The following NAALADL2 variants were observed in gnomAD, a reference collection of about 807,000 sequenced individuals.
The protein encoded by NAALADL2 is inactive N-acetylated-alpha-linked acidic dipeptidase-like protein 2.
NAALADL2 carries 76 observed loss-of-function variants against 87.2 expected under a neutral mutation model. That is an observed-to-expected ratio of 0.87 (90% CI 0.72 to 1.05). The LOEUF (loss-of-function observed/expected upper bound fraction) is 1.05. Ranked by LOEUF, NAALADL2 falls within the 50% of genes least tolerant of loss-of-function variation. The pLI is 0.00. For synonymous variants in NAALADL2, 354 were observed against 331.0 expected, an observed-to-expected ratio of 1.07 and a Z score of -0.75; for missense variants, 1,089 against 945.8, an observed-to-expected ratio of 1.15 and a Z score of -1.99.
chr3:175,751,035 CA>C (rs1359354177), intron 12 of NAALADL2, among the ~76,000 whole-genome samples: 1 of 151,914 alleles, frequency 6.6e-6, no homozygotes, highest in African/African-American at 2.4e-5. Flanking sequence ...CAAATAATAT[CA>C]AGATAGTTTC....
intron 2 of NAALADL2, among the ~76,000 whole-genome samples, chr3:174,700,918 C>T: frequency 6.6e-6 from 1 of 152,086 alleles, no homozygotes; most frequent in East Asian, 1.9e-4. Flanking sequence ...TGCAATGGTC[C>T]TGTTGGATAA....
intron 2 of NAALADL2, among the ~76,000 whole-genome samples, chr3:175,107,764 T>C (rs551318029): frequency 1.2e-4 from 17 of 147,114 alleles, no homozygotes; most frequent in African/African-American, 3.8e-4. Flanking sequence ...ATTTCAGATT[T>C]TTTTTAATGT....
At chr3:174,870,812 TA>T (rs966564816) in intron 1 of NAALADL2, among the ~76,000 whole-genome samples, 13 of 152,258 alleles carry the variant, frequency 8.5e-5, no homozygotes, top group South Asian at 4.1e-4. Flanking sequence ...TTTTATTACT[TA>T]AAAAAATAAT....
chr3:175,587,143 T>G (rs764751828), intron 10 of NAALADL2, among the ~76,000 whole-genome samples: 1 of 152,246 alleles, frequency 6.6e-6, no homozygotes, highest in African/African-American at 2.4e-5. Context: ...AGAGTAGCAT[T>G]GATCGTGGAT....
At chr3:175,161,067 T>A (rs1042910604) in intron 2 of NAALADL2, among the ~76,000 whole-genome samples, 5 of 152,126 alleles carry the variant, frequency 3.3e-5, no homozygotes, top group Non-Finnish European at 7.4e-5. Context: ...AGCATAGAAC[T>A]TCAATTACAC....
rs1734394545 is a variant in NAALADL2, at chr3:175,168,997, A to G, written c.546-64934A>G. On this transcript the variant is annotated intron_variant, in intron 2 of 13. Transcript: ENST00000454872. ...CAGGATAGCTGTACAGATTTTTTTA[A>G]TGTGGATCATCCAGATTAATTTCAC... Among the ~76,000 whole-genome samples, 3 of 151,786 alleles carry G rather than the reference A, an allele frequency of 2.0e-5. 1 individual carries two copies. The highest frequency in any genetic ancestry group is 2.0e-4 in the Admixed American group (3 of 15,216).
chr3:174,579,335 A>G (rs1715901325), intron 2 of NAALADL2, among the ~76,000 whole-genome samples: 1 of 152,048 alleles, frequency 6.6e-6, no homozygotes, highest in African/African-American at 2.4e-5. Flanking sequence ...AGAATGGATA[A>G]ACAATTTGTG....
At chr3:175,772,395 A>G (rs530752901) in intron 13 of NAALADL2, among the ~76,000 whole-genome samples, 19 of 152,250 alleles carry the variant, frequency 1.2e-4, no homozygotes, top group African/African-American at 3.6e-4. Flanking sequence ...GCAGTAAAAG[A>G]AAGCTGGAAG....
intron 4 of NAALADL2, among the ~76,000 whole-genome samples, chr3:175,288,509 C>G (rs1482136075): frequency 6.6e-6 from 1 of 152,146 alleles, no homozygotes; most frequent in Admixed American, 6.5e-5. Flanking sequence ...CATGATTCTT[C>G]AAGTAATCTA....
chr3:175,567,411 C>T (rs1165592446), intron 9 of NAALADL2, among the ~76,000 whole-genome samples: 1 of 151,786 alleles, frequency 6.6e-6, no homozygotes, highest in African/African-American at 2.4e-5. Context: ...ATCCTTAAAG[C>T]ACTCATTAGT....
chr3:175,465,473 CT>C (rs71164634), intron 7 of NAALADL2, among the ~76,000 whole-genome samples: 42,167 of 106,376 alleles, frequency 0.4, 5,487 homozygotes, highest in East Asian at 0.48. Flanking sequence ...TGAATTAAAT[CT>C]TTTTTTTTTT....
intron 2 of NAALADL2, among the ~76,000 whole-genome samples, chr3:174,601,804 C>T (rs778669531): frequency 1.3e-5 from 2 of 152,014 alleles, no homozygotes; most frequent in Non-Finnish European, 2.9e-5. Flanking sequence ...CTTTAATCCA[C>T]TTTGATTTGA....
chr3:175,696,473 T>C (rs918349418), intron 11 of NAALADL2, among the ~76,000 whole-genome samples: 1 of 152,070 alleles, frequency 6.6e-6, no homozygotes, highest in South Asian at 2.1e-4. Flanking sequence ...ACTGAGATGA[T>C]TGACACTCCA....
At chr3:174,945,235 A>G (rs940408216) in intron 1 of NAALADL2, among the ~76,000 whole-genome samples, 1 of 152,200 alleles carries the variant, frequency 6.6e-6, no homozygotes, top group Non-Finnish European at 1.5e-5. Flanking sequence ...AACATAATCA[A>G]ATTTAATCCT....
At chr3:175,461,109 A>C (rs1032234879) in intron 6 of NAALADL2, among the ~76,000 whole-genome samples, 11 of 152,054 alleles carry the variant, frequency 7.2e-5, no homozygotes, top group African/African-American at 2.7e-4. Flanking sequence ...GTGCATTTTT[A>C]CAGAGTGCTG....
chr3:175,556,173 C>G (rs1433306427), intron 9 of NAALADL2, among the ~76,000 whole-genome samples: 1 of 151,846 alleles, frequency 6.6e-6, no homozygotes, highest in Non-Finnish European at 1.5e-5. Context: ...CACACATTCA[C>G]TAAGAAAATA....
chr3:175,690,710 G>C (rs1327103704), intron 11 of NAALADL2, among the ~76,000 whole-genome samples: 1 of 151,992 alleles, frequency 6.6e-6, no homozygotes, highest in African/African-American at 2.4e-5. Flanking sequence ...AATTTAGAGG[G>C]AGGAGATTAA....
chr3:175,049,665 T>G (rs964084147), intron 1 of NAALADL2, among the ~76,000 whole-genome samples: 4 of 152,138 alleles, frequency 2.6e-5, no homozygotes, highest in African/African-American at 9.7e-5. Flanking sequence ...CTGATGAGGT[T>G]TTATCCTTTA....
chr3:175,247,173 A>G (rs1028373880), intron 3 of NAALADL2, among the ~76,000 whole-genome samples: 3 of 152,130 alleles, frequency 2.0e-5, no homozygotes, highest in African/African-American at 7.2e-5. Context: ...CTTGGGATAA[A>G]TCAGTGAGGA....
Sources: allele counts gnomAD v4.1 joint callset (sites outside exome capture counted in the v4.1 genomes callset), GRCh38; gene constraint gnomAD v4.1.1; transcripts MANE v1.5; gene names NCBI Gene and HGNC (gene_info 2026-07-23, HGNC 2026-07-21).